Variants in DPPA2 observed in about 807,000 individuals in gnomAD.
DPPA2 encodes developmental pluripotency associated 2, also known as developmental pluripotency-associated protein 2.
A neutral mutation model predicts 36.2 loss-of-function variants in DPPA2; 26 were observed. The observed-to-expected ratio is 0.72, with a 90% CI of 0.53 to 1.00. DPPA2 has a LOEUF of 1.00. DPPA2 is among the 50% of genes least tolerant of loss of function. DPPA2 has a pLI of 0.00. For missense variants in DPPA2, 361 were observed against 365.1 expected (o/e 0.99, Z 0.09); for synonymous variants, 113 against 123.2 (o/e 0.92, Z 0.55).
intron 8 of DPPA2, among the ~76,000 whole-genome samples, chr3:109,299,857 G>A (rs967605380): frequency 2.7e-5 from 4 of 150,764 alleles, no homozygotes; most frequent in African/African-American, 9.8e-5. Flanking sequence ...CTGGGTGCAA[G>A]TGATCCTCCT....
chr3:109,316,116 T>C (rs1344489322), intron 1 of DPPA2, among the ~76,000 whole-genome samples, 168 bp downstream of exon 1: 1 of 152,078 alleles, frequency 6.6e-6, no homozygotes, highest in African/African-American at 2.4e-5. Context: ...TGGAGTGCGG[T>C]GGCGCGATCA....
chr3:109,302,933 T>A (rs559365917), intron 7 of DPPA2, among the ~76,000 whole-genome samples: 113 of 152,208 alleles, frequency 7.4e-4, no homozygotes, highest in Non-Finnish European at 1.3e-3. Flanking sequence ...ATCATTATAT[T>A]CTCAAACAAG....
Position 109,312,535 on chromosome 3 carries a change from G to A in DPPA2, c.181+10C>T, listed in dbSNP as rs963305154. 1.9e-6 allele frequency: 3 copies of A among 1,609,784 alleles called. No homozygotes were observed. Among genetic ancestry groups the A allele is most frequent in the Non-Finnish European group, 2.5e-6 (3 of 1,177,252 alleles). On this transcript the variant is annotated intron_variant, in intron 3 of 8. Coordinates refer to ENST00000478945, the MANE Select transcript of DPPA2 (RefSeq NM_138815.4). Reference sequence around the variant, plus strand: ...AGGAGTAACTAACTGAGCAATCCCTGTCCTCATACCTGGATTGTATTTCTT... The same window carrying A: ...AGGAGTAACTAACTGAGCAATCCCTATCCTCATACCTGGATTGTATTTCTT...
Position 109,309,088 on chromosome 3 carries a change from A to G in DPPA2, c.343-9T>C. On this transcript the variant is annotated splice_polypyrimidine_tract_variant and intron_variant, in intron 4 of 8. Coordinates refer to ENST00000478945, the MANE Select transcript of DPPA2 (RefSeq NM_138815.4). ...AGATAAACTTCGATTTTCTTAGGAA[A>G]TGAAGAGAGAGATTAAGTTAAAAGT... 6.2e-7 allele frequency: 1 copy of G among 1,614,180 alleles called. No homozygotes were observed. Among genetic ancestry groups the G allele is most frequent in the Non-Finnish European group, 8.5e-7 (1 of 1,180,044 alleles).
At chr3:109,311,762 A>G (rs933252079) in intron 3 of DPPA2, among the ~76,000 whole-genome samples, 1 of 149,932 alleles carries the variant, frequency 6.7e-6, no homozygotes, top group African/African-American at 2.5e-5. Flanking sequence ...AAAAAAAAAA[A>G]GAAAAAAAAC....
chr3:109,298,698 AAAGT>A (rs1707401954), intron 8 of DPPA2, among the ~76,000 whole-genome samples: 1 of 143,292 alleles, frequency 7.0e-6, no homozygotes, highest in African/African-American at 2.6e-5. Context: ...GCCTGGTGAT[AAAGT>A]ATGATTCTGT....
chr3:109,312,775 G>A (rs1707733434), intron 2 of DPPA2, 83 bp from the exon 3 acceptor site: 2 of 1,525,216 alleles, frequency 1.3e-6, no homozygotes, highest in Non-Finnish European at 1.8e-6. Context: ...TCATGAATAA[G>A]GAACTGAGAA....
intron 3 of DPPA2, 132 bp from the exon 4 acceptor site, chr3:109,309,462 C>G: frequency 3.4e-6 from 3 of 870,584 alleles, no homozygotes; most frequent in Non-Finnish European, 5.2e-6. Context: ...CCGAGGTAGG[C>G]AGATCACGAG....
chr3:109,310,441 G>C (rs750441028), intron 3 of DPPA2, among the ~76,000 whole-genome samples: 2 of 147,062 alleles, frequency 1.4e-5, no homozygotes, highest in Non-Finnish European at 3.0e-5. Context: ...GGAGGTAAGA[G>C]ATTCAGGTAT....
chr3:109,311,402 C>G (rs1707707487), intron 3 of DPPA2, among the ~76,000 whole-genome samples: 1 of 152,168 alleles, frequency 6.6e-6, no homozygotes, highest in African/African-American at 2.4e-5. Flanking sequence ...TTTACTTCAT[C>G]TTGAAATCCT....
At chr3:109,295,104 A>C (rs1707328541) in intron 8 of DPPA2, 1 of 152,214 alleles carries the variant, frequency 6.6e-6, no homozygotes, top group African/African-American at 2.4e-5. Flanking sequence ...AATTCAATTC[A>C]AATTGAGAAC....
Position 109,312,694 on chromosome 3 carries a change from T to C in DPPA2, c.34-2A>G. On this transcript the variant is annotated splice_acceptor_variant, in intron 2 of 8. Transcript: ENST00000478945. LOFTEE classifies it high-confidence loss of function. The stretch of plus-strand genomic sequence containing the variant: ...ATCTACTTCCCCCTCCAAGAAATTC[T>C]GGAAAGAGAAGTCAGTCACTGATTT... 1 of 1,612,952 alleles carries C rather than the reference T, an allele frequency of 6.2e-7. No homozygotes were observed. Among genetic ancestry groups the C allele is most frequent in the Non-Finnish European group, 8.5e-7 (1 of 1,179,182 alleles).
intron 1 of DPPA2, among the ~76,000 whole-genome samples, chr3:109,315,898 GA>G (rs1214756974): frequency 6.6e-6 from 1 of 151,794 alleles, no homozygotes; most frequent in Non-Finnish European, 1.5e-5. Context: ...ATTTACAAAA[GA>G]AAAAAATGTA....
intron 3 of DPPA2, among the ~76,000 whole-genome samples, chr3:109,311,743 G>GA: frequency 6.8e-6 from 1 of 147,606 alleles, no homozygotes; most frequent in Middle Eastern, 3.4e-3. Context: ...TCCGTCTCCA[G>GA]AAAAATTTAA....
intron 6 of DPPA2, among the ~76,000 whole-genome samples, chr3:109,307,205 G>C (rs948971728): frequency 3.9e-5 from 6 of 151,942 alleles, no homozygotes; most frequent in African/African-American, 1.4e-4. Flanking sequence ...AGGAGCTCTA[G>C]CAATCCTCCC....
chr3:109,307,947 T>G (rs892334508), intron 6 of DPPA2, 85 bp downstream of exon 6: 6 of 1,479,314 alleles, frequency 4.1e-6, no homozygotes, highest in Non-Finnish European at 1.8e-6. Context: ...GCAAATGCCT[T>G]CCCTTTGACC....
At chr3:109,306,158 A>G (rs981311237) in intron 6 of DPPA2, among the ~76,000 whole-genome samples, 1 of 152,234 alleles carries the variant, frequency 6.6e-6, no homozygotes, top group African/African-American at 2.4e-5. Context: ...TGTTTAGCAC[A>G]GTATATACCC....
chr3:109,306,796 C>A (rs1410069248), intron 6 of DPPA2, among the ~76,000 whole-genome samples: 5 of 150,688 alleles, frequency 3.3e-5, no homozygotes, highest in Non-Finnish European at 7.4e-5. Flanking sequence ...AGAAATCTCG[C>A]CTCTACTGAA....
At chr3:109,298,615 C>G (rs1037958105) in intron 8 of DPPA2, among the ~76,000 whole-genome samples, 1 of 151,350 alleles carries the variant, frequency 6.6e-6, no homozygotes, top group African/African-American at 2.4e-5. Flanking sequence ...ACTCGGAAGG[C>G]TGAGGCAGGA....
Sources: gnomAD v4.1 joint callset for allele counts (sites outside exome capture counted in the v4.1 genomes callset) on GRCh38, gnomAD v4.1.1 for gene constraint, MANE v1.5 for transcripts, NCBI Gene and HGNC (gene_info 2026-07-23, HGNC 2026-07-21) for gene names.